The following HS6ST3 variants were observed in gnomAD, a reference collection of about 807,000 sequenced individuals.
HS6ST3 encodes the protein heparan-sulfate 6-O-sulfotransferase 3.
Under a neutral mutation model 36.7 loss-of-function variants are expected in HS6ST3, and 12 were observed. The ratio of observed to expected loss-of-function variants is 0.33; its 90% CI spans 0.21 to 0.53. The LOEUF is 0.53. Ranked by LOEUF, HS6ST3 falls within the 20% of genes least tolerant of loss-of-function variation. The probability of loss-of-function intolerance (pLI) is 0.95; values close to 1 mark genes in which losing one functional copy is unlikely to be tolerated. For synonymous variants in HS6ST3, 240 were observed against 257.5 expected, an observed-to-expected ratio of 0.93 and a Z score of 0.65; for missense variants, 584 against 640.9, an observed-to-expected ratio of 0.91 and a Z score of 0.96.
chr13:96,387,155 A>G (rs78145169), intron 1 of HS6ST3, among the ~76,000 whole-genome samples: 1 of 152,322 alleles, frequency 6.6e-6, no homozygotes, highest in African/African-American at 2.4e-5. Flanking sequence ...GAGCCATGAT[A>G]TAGCTAATAT....
At chr13:96,302,609 C>G (rs1237948881) in intron 1 of HS6ST3, among the ~76,000 whole-genome samples, 2 of 151,982 alleles carry the variant, frequency 1.3e-5, no homozygotes, top group Non-Finnish European at 2.9e-5. Flanking sequence ...TATGTAATGA[C>G]TATAAGGACA....
intron 1 of HS6ST3, among the ~76,000 whole-genome samples, chr13:96,514,375 G>A (rs2056063506): frequency 6.6e-6 from 1 of 152,160 alleles, no homozygotes; most frequent in South Asian, 2.1e-4. Context: ...TCTGATCATT[G>A]GGATGAATGG....
At chr13:96,348,290 C>T (rs1837597196) in intron 1 of HS6ST3, among the ~76,000 whole-genome samples, 1 of 152,170 alleles carries the variant, frequency 6.6e-6, no homozygotes, top group South Asian at 2.1e-4. Context: ...ATTCAAAATT[C>T]ATTAGAGTCA....
intron 1 of HS6ST3, among the ~76,000 whole-genome samples, chr13:96,583,619 G>A (rs1248375437): frequency 1.3e-5 from 2 of 151,966 alleles, no homozygotes; most frequent in East Asian, 3.9e-4. Context: ...CCACCATACT[G>A]GTTAAGTTTA....
intron 1 of HS6ST3, among the ~76,000 whole-genome samples, chr13:96,506,493 A>G (rs2056027124): frequency 6.6e-6 from 1 of 152,202 alleles, no homozygotes; most frequent in Non-Finnish European, 1.5e-5. Context: ...TGCAGCTGCC[A>G]TTAATTCATC....
intron 1 of HS6ST3, among the ~76,000 whole-genome samples, chr13:96,217,810 A>G (rs374188264): frequency 2.0e-5 from 3 of 152,106 alleles, no homozygotes; most frequent in East Asian, 3.9e-4. Context: ...ACATGTGTAT[A>G]TATTTATATA....
intron 1 of HS6ST3, among the ~76,000 whole-genome samples, chr13:96,552,690 G>A (rs1241827102): frequency 6.6e-6 from 1 of 152,140 alleles, no homozygotes; most frequent in African/African-American, 2.4e-5. Context: ...CTTGGCAGCA[G>A]TTTCATAGGA....
In HS6ST3 at chr13:96,836,796, A is replaced by C. The variant is rs1055362822; in HGVS notation, c.*3598A>C. 2.0e-5 allele frequency: 3 copies of C among 152,230 alleles called. No individual in the cohort carries two copies. Among genetic ancestry groups the C allele is most frequent in the Admixed American group, 6.5e-5 (1 of 15,288 alleles). 9.4% of individuals were successfully genotyped at this position (152,230 alleles called of 1,614,324 possible). A position where few individuals can be genotyped will look rare whatever the true frequency, so the allele number is the denominator to read the frequency against. On this transcript the variant is annotated 3_prime_UTR_variant, in exon 2 of 2. Coordinates refer to ENST00000376705, the MANE Select transcript of HS6ST3 (RefSeq NM_153456.4). ...CACAGAAATTCAAAATAGTGACTTA[A>C]CATGGAAGCTATTTCTCTCTTACTT...
chr13:96,117,055 A>ATTTT (rs1165192095), intron 1 of HS6ST3, among the ~76,000 whole-genome samples: 1 of 152,230 alleles, frequency 6.6e-6, no homozygotes, highest in Non-Finnish European at 1.5e-5. Flanking sequence ...AATGAGATAA[A>ATTTT]TAATTTAGCC....
At chr13:96,633,676 G>T (rs1005973419) in intron 1 of HS6ST3, among the ~76,000 whole-genome samples, 3 of 152,112 alleles carry the variant, frequency 2.0e-5, no homozygotes, top group African/African-American at 4.8e-5. Context: ...TGTAAATGTG[G>T]AAGTGGATCT....
At chr13:96,342,797 C>T (rs1213967626) in intron 1 of HS6ST3, among the ~76,000 whole-genome samples, 3 of 152,204 alleles carry the variant, frequency 2.0e-5, no homozygotes, top group East Asian at 3.8e-4. Context: ...CATTTATCTC[C>T]GCACATTTCT....
intron 1 of HS6ST3, among the ~76,000 whole-genome samples, chr13:96,371,473 G>A: frequency 6.6e-6 from 1 of 152,130 alleles, no homozygotes; most frequent in East Asian, 1.9e-4. Flanking sequence ...GTGTGTATGT[G>A]ATGAGCCTAC....
At chr13:96,650,175 A>G (rs1467413946) in intron 1 of HS6ST3, among the ~76,000 whole-genome samples, 1 of 151,968 alleles carries the variant, frequency 6.6e-6, no homozygotes, top group East Asian at 1.9e-4. Context: ...AGCATTTTAC[A>G]TCTTCAAACA....
At chr13:96,703,292 G>T (rs908005450) in intron 1 of HS6ST3, among the ~76,000 whole-genome samples, 3 of 152,158 alleles carry the variant, frequency 2.0e-5, no homozygotes, top group Admixed American at 6.5e-5. Flanking sequence ...TACACAGCTT[G>T]CTTAAGAACT....
chr13:96,629,754 T>A, intron 1 of HS6ST3, among the ~76,000 whole-genome samples: 1 of 152,220 alleles, frequency 6.6e-6, no homozygotes, highest in East Asian at 1.9e-4. Flanking sequence ...TTGAGCTTTT[T>A]GTATCTGAGG....
At chr13:96,210,679 T>C (rs983983614) in intron 1 of HS6ST3, among the ~76,000 whole-genome samples, 3 of 151,610 alleles carry the variant, frequency 2.0e-5, no homozygotes, top group African/African-American at 7.3e-5. Context: ...CTGGAACCTC[T>C]GCTTCCTGGG....
Position 96,834,834 on chromosome 13 carries a change from G to A in HS6ST3, c.*1636G>A, listed in dbSNP as rs548606114. 7 of 152,584 alleles carry A rather than the reference G, an allele frequency of 4.6e-5. No homozygotes were observed. The highest frequency in any genetic ancestry group is 2.1e-4 in the South Asian group (1 of 4,820). The allele number at this position is 152,584 out of a possible 1,614,324, so 9.5% of individuals were successfully genotyped here. On this transcript the variant is annotated 3_prime_UTR_variant, in exon 2 of 2. Coordinates refer to ENST00000376705, the MANE Select transcript of HS6ST3 (RefSeq NM_153456.4). ...CATTCACAGAGTGCTTACCTGCCCC[G>A]AGGGAAGTCCAGCAGCTCCACCAGA...
intron 1 of HS6ST3, among the ~76,000 whole-genome samples, chr13:96,724,652 A>G (rs1875953764): frequency 6.6e-6 from 1 of 152,040 alleles, no homozygotes; most frequent in East Asian, 1.9e-4. Flanking sequence ...TTTTTGCTCT[A>G]GCTTCTTTCC....
chr13:96,247,181 G>C (rs911045569), intron 1 of HS6ST3, among the ~76,000 whole-genome samples: 2 of 151,708 alleles, frequency 1.3e-5, no homozygotes, highest in Non-Finnish European at 2.9e-5. Flanking sequence ...CTCCCATCCT[G>C]GACCCCAGAA....
Sources: allele counts gnomAD v4.1 joint callset (sites outside exome capture counted in the v4.1 genomes callset), GRCh38; gene constraint gnomAD v4.1.1; transcripts MANE v1.5; gene names NCBI Gene and HGNC (gene_info 2026-07-23, HGNC 2026-07-21).